The following GRIP1 variants were observed in gnomAD, a reference collection of about 807,000 sequenced individuals.
GRIP1 encodes glutamate receptor interacting protein 1.
A neutral mutation model predicts 129.9 loss-of-function variants in GRIP1; 45 were observed. That is an observed-to-expected ratio of 0.35 (90% confidence interval 0.27 to 0.44). The LOEUF (loss-of-function observed/expected upper bound fraction) is 0.44. GRIP1 is among the 20% of genes least tolerant of loss of function. The probability of loss-of-function intolerance (pLI) is 1.00; values close to 1 mark genes in which losing one functional copy is unlikely to be tolerated. For missense variants in GRIP1, 1,196 were observed against 1,396.8 expected (o/e 0.86, Z 2.29); for synonymous variants, 530 against 520.8 (o/e 1.02, Z -0.24).
At chr12:66,697,367 T>C (rs2035199403) in intron 1 of GRIP1, among the ~76,000 whole-genome samples, 1 of 152,170 alleles carries the variant, frequency 6.6e-6, no homozygotes, top group South Asian at 2.1e-4. Context: ...CAGACTTCCT[T>C]AGAGAGAGCC....
At chr12:66,546,295 G>A (rs7972198) in intron 2 of GRIP1, among the ~76,000 whole-genome samples, 102,877 of 151,724 alleles carry the variant, frequency 0.68, 35,396 homozygotes, top group African/African-American at 0.8. Context: ...TTCAAGAGCA[G>A]CAACACAGTG....
chr12:66,447,376 A>G (rs1178827656), intron 11 of GRIP1, among the ~76,000 whole-genome samples: 1 of 152,180 alleles, frequency 6.6e-6, no homozygotes, highest in African/African-American at 2.4e-5. Flanking sequence ...TCACAATCCT[A>G]TTAGGTCCTT....
intron 1 of GRIP1, among the ~76,000 whole-genome samples, chr12:66,909,172 T>A (rs1317616999): frequency 6.6e-6 from 1 of 152,234 alleles, no homozygotes; most frequent in Non-Finnish European, 1.5e-5. Context: ...ATGTCTTTGT[T>A]TTGCTATTTT....
intron 7 of GRIP1, among the ~76,000 whole-genome samples, chr12:66,492,889 A>G (rs924936208): frequency 8.5e-5 from 13 of 152,154 alleles, no homozygotes; most frequent in African/African-American, 3.1e-4. Flanking sequence ...AGGCATCTGT[A>G]ATCCTAGCTA....
intron 1 of GRIP1, among the ~76,000 whole-genome samples, chr12:66,764,187 G>A (rs2037556741): frequency 6.6e-6 from 1 of 152,212 alleles, no homozygotes; most frequent in East Asian, 1.9e-4. Context: ...TGCCCACAGA[G>A]TGAAAAATAA....
At chr12:66,828,570 G>A (rs2039458923) in intron 1 of GRIP1, among the ~76,000 whole-genome samples, 1 of 152,090 alleles carries the variant, frequency 6.6e-6, no homozygotes, top group Non-Finnish European at 1.5e-5. Context: ...TTTTTCAATA[G>A]ACATTTTAGG....
In GRIP1 at chr12:66,463,032, A is replaced by G; in HGVS notation, c.934T>C (p.Cys312Arg). Reference sequence around the variant, plus strand: ...AACTGGGTTGCTTCTGCAAGTGTACAGTACTCCATGCTGGTTCCATCGATG... The same window carrying G: ...AACTGGGTTGCTTCTGCAAGTGTACGGTACTCCATGCTGGTTCCATCGATG... ...LSIDGTSMEY[C>R]TLAEATQFLA... is the part of the protein sequence containing the mutation. The change falls in exon 9 of 25, where the codon TGT (cysteine) becomes CGT (arginine). Residue 312 changes from cysteine (C) to arginine (R), a missense_variant. Cys to Arg is a radical substitution (Grantham distance 180). Around this residue, in one of 5 missense-constraint regions of GRIP1, gnomAD observed 508 missense variants for 587.0 expected, o/e 0.87. Transcript: ENST00000359742. 7 of 1,613,762 alleles carry G rather than the reference A, an allele frequency of 4.3e-6. No homozygotes were observed. The highest frequency in any genetic ancestry group is 5.9e-6 in the Non-Finnish European group (7 of 1,179,722).
chr12:66,568,705 A>G (rs1852455516), intron 2 of GRIP1: 1 of 229,144 alleles, frequency 4.4e-6, no homozygotes, highest in African/African-American at 2.3e-5. Context: ...CACTGCTGGA[A>G]TAAGAGAATT....
intron 7 of GRIP1, among the ~76,000 whole-genome samples, chr12:66,494,612 C>A (rs1036416708): frequency 6.6e-6 from 1 of 152,082 alleles, no homozygotes; most frequent in African/African-American, 2.4e-5. Context: ...GTGGCTCATG[C>A]CTATAATCCC....
intron 2 of GRIP1, among the ~76,000 whole-genome samples, chr12:66,547,749 G>C (rs1419622973): frequency 6.6e-6 from 1 of 152,156 alleles, no homozygotes; most frequent in African/African-American, 2.4e-5. Context: ...GTATGGGTTA[G>C]AAGTTGCCAG....
At chr12:67,058,336 A>T (rs527535587) in intron 1 of GRIP1, among the ~76,000 whole-genome samples, 1 of 152,218 alleles carries the variant, frequency 6.6e-6, no homozygotes, top group East Asian at 1.9e-4. Context: ...CAGATTTTCA[A>T]TTGTCTATAT....
chr12:66,406,959 G>C (rs2057213291), intron 15 of GRIP1, among the ~76,000 whole-genome samples: 5 of 152,142 alleles, frequency 3.3e-5, no homozygotes. Flanking sequence ...TATTTGGAAA[G>C]TGGCCACTGA....
chr12:66,600,709 G>T (rs6581706), intron 1 of GRIP1, among the ~76,000 whole-genome samples: 51,102 of 151,968 alleles, frequency 0.34, 8,884 homozygotes, highest in Non-Finnish European at 0.37. Context: ...ATGATTTATT[G>T]ACCAACCTTT....
intron 2 of GRIP1, among the ~76,000 whole-genome samples, chr12:66,545,525 A>C (rs2061922126): frequency 6.6e-6 from 1 of 152,222 alleles, no homozygotes; most frequent in Non-Finnish European, 1.5e-5. Context: ...AAATCCCTGG[A>C]AAAAACTTAA....
At chr12:66,438,183 G>T (rs919793325) in intron 13 of GRIP1, among the ~76,000 whole-genome samples, 2 of 152,150 alleles carry the variant, frequency 1.3e-5, no homozygotes, top group African/African-American at 4.8e-5. Flanking sequence ...TGATTCTTCC[G>T]TGGTCACAGC....
intron 1 of GRIP1, among the ~76,000 whole-genome samples, chr12:66,834,262 T>A (rs560460708): frequency 3.3e-5 from 5 of 151,838 alleles, no homozygotes; most frequent in African/African-American, 1.2e-4. Context: ...TAACAAGTGA[T>A]TACACTGAGG....
intron 1 of GRIP1, among the ~76,000 whole-genome samples, chr12:66,990,057 T>C (rs991488253): frequency 2.6e-5 from 4 of 152,184 alleles, no homozygotes; most frequent in Non-Finnish European, 4.4e-5. Context: ...TAGCAACATA[T>C]TAGATATAAT....
chr12:66,716,639 G>A (rs1189240625), intron 1 of GRIP1, among the ~76,000 whole-genome samples: 1 of 151,818 alleles, frequency 6.6e-6, no homozygotes, highest in Non-Finnish European at 1.5e-5. Context: ...TAAGAATACA[G>A]ACATTTGGGC....
chr12:66,629,523 G>A (rs922177901), intron 1 of GRIP1, among the ~76,000 whole-genome samples: 5 of 152,184 alleles, frequency 3.3e-5, no homozygotes, highest in Admixed American at 6.5e-5. Context: ...ATCTTGAGTC[G>A]TAATATTTGC....
Sources: gnomAD v4.1 joint callset for allele counts (sites outside exome capture counted in the v4.1 genomes callset) on GRCh38, gnomAD v4.1.1 for gene constraint, gnomAD v4.1.1 regional missense constraint, MANE v1.5 for transcripts, NCBI Gene and HGNC (gene_info 2026-07-23, HGNC 2026-07-21) for gene names.